RNPEP: variants seen among roughly 807,000 people sequenced by gnomAD.
RNPEP encodes aminopeptidase B.
In RNPEP, 57 loss-of-function variants were observed where a neutral mutation model predicts 70.1. The observed-to-expected ratio is 0.81, with a 90% CI of 0.66 to 1.01. RNPEP has a LOEUF of 1.01. Among genes scored for constraint, RNPEP ranks in the 50% least tolerant of loss-of-function variants. RNPEP has a pLI of 0.00. For missense variants in RNPEP, 787 were observed against 852.4 expected (o/e 0.92, Z 0.96); for synonymous variants, 335 against 357.4 (o/e 0.94, Z 0.71).
At position 201,983,094 on chromosome 1, in the gene RNPEP, G is replaced by A; in HGVS notation, c.428G>A (p.Arg143His). The part of the protein sequence containing the change: ...AERLQVLLTY[R>H]VGEGPGVCWL... ...CGCCTCCAGGTGCTGCTCACCTACC[G>A]CGTCGGGGAGGGACCCGGGGTGAGT... is the stretch of plus-strand genomic sequence containing the variant. The change falls in exon 1 of 11, where the codon CGC becomes CAC. Residue 143 changes from arginine to histidine, a missense_variant. Coordinates refer to ENST00000295640, the MANE Select transcript of RNPEP (RefSeq NM_020216.4). 2 of 1,503,040 alleles carry A rather than the reference G, an allele frequency of 1.3e-6. No homozygotes were observed. Among genetic ancestry groups the A allele is most frequent in the Non-Finnish European group, 1.8e-6 (2 of 1,134,808 alleles). The allele number at this position is 1,503,040 out of a possible 1,614,324, so 93.1% of individuals were successfully genotyped here. A position where few individuals can be genotyped will look rare whatever the true frequency, so the allele number is the denominator to read the frequency against.
At chr1:201,989,558 G>T in intron 3 of RNPEP, 27 bp downstream of exon 3, 1 of 1,613,622 alleles carries the variant, frequency 6.2e-7, no homozygotes, top group Non-Finnish European at 8.5e-7. Flanking sequence ...CCACAGGCAA[G>T]GTTGGATTGG....
Position 202,003,417 on chromosome 1 carries a change from T to C in RNPEP, c.1607T>C (p.Val536Ala). ...AISPWKTYQL[V>A]YFLDKILQKS... ...TCTCCCTGGAAGACCTACCAGCTGGTCTACTTCCTGGATAAGATCCTCCAG... is the reference window on the plus strand; with the variant it reads ...TCTCCCTGGAAGACCTACCAGCTGGCCTACTTCCTGGATAAGATCCTCCAG... The change falls in exon 9 of 11, where the codon GTC (valine) becomes GCC (alanine). Residue 536 changes from valine to alanine, a missense_variant. Coordinates refer to ENST00000295640, the MANE Select transcript of RNPEP (RefSeq NM_020216.4). The C allele has an allele frequency of 6.2e-7, 1 of 1,614,086 alleles. No individual in the cohort carries two copies. Among genetic ancestry groups the C allele is most frequent in the Non-Finnish European group, 8.5e-7 (1 of 1,179,986 alleles).
At chr1:202,001,820 C>T (rs1683827071) in intron 8 of RNPEP, 53 bp downstream of exon 8, 1 of 1,112,264 alleles carries the variant, frequency 9.0e-7, no homozygotes, top group South Asian at 1.3e-5. Flanking sequence ...AGAATGAGAT[C>T]TCATTGACAC....
intron 5 of RNPEP, 99 bp downstream of exon 5, chr1:201,997,653 G>A: frequency 1.2e-6 from 1 of 851,292 alleles, no homozygotes; most frequent in Non-Finnish European, 1.9e-6. Flanking sequence ...AAGTGGGTGT[G>A]AAGAGACGAG....
In RNPEP at chr1:202,005,733, C is replaced by T; in HGVS notation, c.*17C>T. On this transcript the variant is annotated 3_prime_UTR_variant, in exon 11 of 11. Coordinates refer to ENST00000295640, the MANE Select transcript of RNPEP (RefSeq NM_020216.4). ...GGCAGTTAGAGGCTCGTGTGCATGG[C>T]CCCTGCCTCTTCAGGCTCTCCAGGC... 1.9e-6 allele frequency: 3 copies of T among 1,612,088 alleles called. No individual in the cohort carries two copies. Among genetic ancestry groups the T allele is most frequent in the East Asian group, 4.5e-5 (2 of 44,830 alleles).
chr1:201,993,970 C>T (rs2102970853), intron 3 of RNPEP, among the ~76,000 whole-genome samples: 1 of 151,448 alleles, frequency 6.6e-6, no homozygotes, highest in East Asian at 1.9e-4. Context: ...CCTTGCCATG[C>T]CGTTGAAACT....
At chr1:201,989,348 C>T (rs1244054532) in intron 2 of RNPEP, 35 bp from the exon 3 acceptor site, 2 of 1,606,502 alleles carry the variant, frequency 1.2e-6, no homozygotes, top group Non-Finnish European at 1.7e-6. Flanking sequence ...GAAACTCTCT[C>T]CAGGTAAAAT....
At chr1:201,989,634 C>T in intron 3 of RNPEP, 103 bp downstream of exon 3, 4 of 1,271,416 alleles carry the variant, frequency 3.1e-6, no homozygotes, top group South Asian at 1.3e-5. Flanking sequence ...GTCTTGGATC[C>T]TCTGTCTGAG....
At chr1:201,990,248 C>T (rs16849481) in intron 3 of RNPEP, among the ~76,000 whole-genome samples, 2,716 of 152,272 alleles carry the variant, frequency 0.018, 78 homozygotes, top group African/African-American at 0.062. Flanking sequence ...TTCTTTTGCA[C>T]GTAGTTCCTG....
intron 5 of RNPEP, 95 bp from the exon 6 acceptor site, chr1:201,999,807 G>A: frequency 1.1e-6 from 1 of 929,516 alleles, no homozygotes; most frequent in Non-Finnish European, 1.7e-6. Flanking sequence ...TTCTTCTTGA[G>A]GCCACAAGGA....
intron 1 of RNPEP, among the ~76,000 whole-genome samples, chr1:201,984,903 C>CGTTTCCAG (rs1325847460): frequency 7.4e-6 from 1 of 134,314 alleles, no homozygotes; most frequent in African/African-American, 2.8e-5. Context: ...TTAAAAATCT[C>CGTTTCCAG]GTTTCCAGGC....
intron 1 of RNPEP, 47 bp downstream of exon 1, chr1:201,983,160 G>C (rs769809661): frequency 4.2e-6 from 6 of 1,426,422 alleles, no homozygotes; most frequent in Non-Finnish European, 5.4e-6. Flanking sequence ...CTGCCCTTCC[G>C]GCCCCCAGCC....
At chr1:202,002,151 C>CTTTCT (rs1261014746) in intron 8 of RNPEP, among the ~76,000 whole-genome samples, 1 of 149,068 alleles carries the variant, frequency 6.7e-6, no homozygotes, top group Non-Finnish European at 1.5e-5. Context: ...TTATTTCTTT[C>CTTTCT]TTTCTTTTCT....
At chr1:201,994,025 C>T (rs949012450) in intron 3 of RNPEP, among the ~76,000 whole-genome samples, 1 of 151,628 alleles carries the variant, frequency 6.6e-6, no homozygotes, top group Non-Finnish European at 1.5e-5. Flanking sequence ...ATATGTGATG[C>T]TTTTTAGCCC....
chr1:202,004,703 C>T (rs1683978152), intron 10 of RNPEP, among the ~76,000 whole-genome samples: 1 of 152,196 alleles, frequency 6.6e-6, no homozygotes, highest in African/African-American at 2.4e-5. Context: ...TGCAGGCTTG[C>T]AGTGCTTTCT....
chr1:201,990,001 C>T (rs551413144), intron 3 of RNPEP, among the ~76,000 whole-genome samples: 27 of 152,222 alleles, frequency 1.8e-4, no homozygotes, highest in South Asian at 1.5e-3. Context: ...TGCCCCACCA[C>T]GCTCGGCTAA....
chr1:201,998,230 CT>C (rs34549362), intron 5 of RNPEP, among the ~76,000 whole-genome samples: 15,214 of 115,998 alleles, frequency 0.13, 595 homozygotes, highest in Admixed American at 0.21. Context: ...TGGGTCTGAA[CT>C]TTTTTTTTTT....
Position 201,984,538 on chromosome 1 carries a change from G to C in RNPEP, c.447+1425G>C, listed in dbSNP as rs553878141. On this transcript the variant is annotated intron_variant, in intron 1 of 10. Transcript: ENST00000295640. ...TGAGTTTTCTTTAGTGATTTTGGGGGCCCAAGAGATTTTCCTTTCACAGCC... is the reference window on the plus strand; with the variant it reads ...TGAGTTTTCTTTAGTGATTTTGGGGCCCCAAGAGATTTTCCTTTCACAGCC... Among the ~76,000 whole-genome samples, 5 of 152,186 alleles carry C rather than the reference G, an allele frequency of 3.3e-5. 1 individual carries two copies. The South Asian group carries it at 1.0e-3, about 32-fold the overall frequency.
chr1:201,989,901 A>G (rs920368786), intron 3 of RNPEP, among the ~76,000 whole-genome samples: 2 of 151,378 alleles, frequency 1.3e-5, no homozygotes, highest in African/African-American at 4.9e-5. Flanking sequence ...CTGGAGTGCA[A>G]TGGTGCGATC....
Sources: gnomAD v4.1 joint callset for allele counts (sites outside exome capture counted in the v4.1 genomes callset) on GRCh38, gnomAD v4.1.1 for gene constraint, MANE v1.5 for transcripts, NCBI Gene and HGNC (gene_info 2026-07-23, HGNC 2026-07-21) for gene names.